The following JUP variants were observed in gnomAD, a reference collection of about 807,000 sequenced individuals.
JUP encodes junction plakoglobin.
A neutral mutation model predicts 71.1 loss-of-function variants in JUP; 28 were observed. That is an observed-to-expected ratio of 0.39 (90% CI 0.29 to 0.54). The LOEUF (loss-of-function observed/expected upper bound fraction) is 0.54, where lower values mean the gene tolerates loss of function less well. JUP is among the 20% of genes least tolerant of loss of function. The probability of loss-of-function intolerance (pLI) is 0.62; values close to 1 mark genes in which losing one functional copy is unlikely to be tolerated. For synonymous variants in JUP, 401 were observed against 438.9 expected, an observed-to-expected ratio of 0.91 and a Z score of 1.08; for missense variants, 869 against 1,030.1, an observed-to-expected ratio of 0.84 and a Z score of 2.14.
rs9893041 is a variant in JUP at position 41,757,225 on chromosome 17, A to G, written c.2046+190T>C. 0.034 allele frequency among the ~76,000 whole-genome samples: 5,173 copies of G among 152,318 alleles called. 274 individuals carry two copies. The highest frequency in any genetic ancestry group is 0.11 in the African/African-American group (4,739 of 41,552). ...AACACTGTATACTCATTTGGGCAAA[A>G]TAAAAATTGGCATTTTGTGGATATA... On this transcript the variant is annotated intron_variant, in intron 12 of 13. Coordinates refer to ENST00000393931, the MANE Select transcript of JUP (RefSeq NM_002230.4).
chr17:41,771,986 G>A (rs781849427), intron 1 of JUP, 124 bp from the exon 2 acceptor site: 17 of 901,152 alleles, frequency 1.9e-5, no homozygotes, highest in Non-Finnish European at 3.0e-5. Flanking sequence ...TTTCAATGAG[G>A]ATGCAGGCTG....
Position 41,762,991 on chromosome 17 carries a change from G to A in JUP, c.1489C>T (p.Leu497=). The change falls in exon 8 of 14, where the codon CTG becomes TTG. Residue 497 remains leucine (L), a synonymous_variant. Coordinates refer to ENST00000393931, the MANE Select transcript of JUP (RefSeq NM_002230.4). ...TCGCCTAACAGCAGTACCTTGACCA[G>A]TGGCCACTGGTTGGGCTGGTTGAGC... ...KLLNQPNQWP[L]VKATIGLIRN... 1 of 1,613,934 alleles carries A rather than the reference G, an allele frequency of 6.2e-7. No individual in the cohort carries two copies. The highest frequency in any genetic ancestry group is 8.5e-7 in the Non-Finnish European group (1 of 1,180,002).
chr17:41,765,852 C>T (rs1189728046), intron 5 of JUP, among the ~76,000 whole-genome samples: 3 of 152,118 alleles, frequency 2.0e-5, no homozygotes, highest in African/African-American at 7.2e-5. Flanking sequence ...GAATTTTTTC[C>T]GCTCTTTGAC....
chr17:41,783,489 A>T (rs1023907391), intron 1 of JUP, among the ~76,000 whole-genome samples: 1 of 151,558 alleles, frequency 6.6e-6, no homozygotes, highest in Non-Finnish European at 1.5e-5. Context: ...GGGTTTCTCC[A>T]TGTTGCCCAG....
intron 7 of JUP, 105 bp from the exon 8 acceptor site, chr17:41,763,426 C>T: frequency 1.3e-6 from 1 of 755,908 alleles, no homozygotes; most frequent in Non-Finnish European, 2.2e-6. Context: ...GTCAGCCCTG[C>T]CTGTGTGTGC....
chr17:41,776,108 G>A (rs377673149), intron 1 of JUP: 11 of 380,984 alleles, frequency 2.9e-5, no homozygotes, highest in Non-Finnish European at 3.6e-5. Flanking sequence ...CCCAGAGGCC[G>A]TGCTGGAAGC....
Position 41,765,228 on chromosome 17 carries a change from G to A in JUP, c.910-161C>T, listed in dbSNP as rs9911655. 0.035 allele frequency among the ~76,000 whole-genome samples: 5,374 copies of A among 152,138 alleles called. 297 individuals carry two copies. The highest frequency in any genetic ancestry group is 0.12 in the African/African-American group (4,927 of 41,496). On this transcript the variant is annotated intron_variant, in intron 5 of 13. Transcript: ENST00000393931. Reference sequence around the variant, plus strand: ...TTTTTTTCTTTTTATAAAGATGGGGGTCTCACTATGCTGCCCAGGCTGGTC... The same window carrying A: ...TTTTTTTCTTTTTATAAAGATGGGGATCTCACTATGCTGCCCAGGCTGGTC...
At chr17:41,779,179 T>C (rs1325585978) in intron 1 of JUP, among the ~76,000 whole-genome samples, 2 of 148,606 alleles carry the variant, frequency 1.3e-5, no homozygotes, top group East Asian at 4.0e-4. Context: ...GAGGTTGCAG[T>C]GAGCTGAGAT....
chr17:41,784,678 T>A (rs1048205753), intron 1 of JUP, among the ~76,000 whole-genome samples: 1 of 152,066 alleles, frequency 6.6e-6, no homozygotes, highest in Non-Finnish European at 1.5e-5. Flanking sequence ...GACTTCCCCC[T>A]AGCACAGGGC....
rs776307936 is a variant in JUP, at chr17:41,755,913, G to A, written c.2087-18C>T. On this transcript the variant is annotated intron_variant, in intron 13 of 13. Transcript: ENST00000393931. ...ATCCATGTCTGGGGACAAAAAGTGGGGCTCGGTCCTAGGGTCTGCAAGCTA... is the reference window on the plus strand; with the variant it reads ...ATCCATGTCTGGGGACAAAAAGTGGAGCTCGGTCCTAGGGTCTGCAAGCTA... 31 of 1,600,552 alleles carry A rather than the reference G, an allele frequency of 1.9e-5. No homozygotes were observed. Among genetic ancestry groups the A allele is most frequent in the Non-Finnish European group, 2.1e-5 (25 of 1,171,846 alleles).
rs1394334183 is a variant in JUP, at chr17:41,758,890, T to C, written c.1498-20A>G. On this transcript the variant is annotated intron_variant, in intron 8 of 13. Transcript: ENST00000393931. ...GGTTGCCTGGCAAAAAAAGGGGCAGTGATCAGGGGCACTTCTTGGACATCT... is the reference window on the plus strand; with the variant it reads ...GGTTGCCTGGCAAAAAAAGGGGCAGCGATCAGGGGCACTTCTTGGACATCT... The C allele has an allele frequency of 1.9e-6, 3 of 1,601,900 alleles. No individual in the cohort carries two copies. Among genetic ancestry groups the C allele is most frequent in the African/African-American group, 2.7e-5 (2 of 74,766 alleles).
intron 1 of JUP, chr17:41,772,146 C>G (rs1263998867): frequency 1.7e-5 from 9 of 518,082 alleles, no homozygotes; most frequent in Non-Finnish European, 2.8e-5. Context: ...CCCCAGGGGG[C>G]AGGACAGTCA....
chr17:41,780,731 A>T (rs1443688416), intron 1 of JUP, among the ~76,000 whole-genome samples: 1 of 150,482 alleles, frequency 6.6e-6, no homozygotes, highest in Non-Finnish European at 1.5e-5. Flanking sequence ...AAGAAAAGAG[A>T]AGAGGAGAAG....
Position 41,769,207 on chromosome 17 carries a change from C to A in JUP, c.469G>T (p.Val157Leu), listed in dbSNP as rs1555605469. 6.2e-7 allele frequency: 1 copy of A among 1,600,168 alleles called. No homozygotes were observed. The highest frequency in any genetic ancestry group is 8.5e-7 in the Non-Finnish European group (1 of 1,179,850). The change falls in exon 4 of 14, where the codon GTG becomes TTG. Residue 157 changes from valine (V) to leucine (L), a missense_variant and splice_region_variant. Physicochemically the swap from Val to Leu is conservative, Grantham distance 32. Coordinates refer to ENST00000393931, the MANE Select transcript of JUP (RefSeq NM_002230.4). ...LTKLLNDEDP[V>L]VVTKAAMIVN... ...ATCATGGCCGCCTTGGTCACCACCA[C>A]CTGGAGGGCAAAGGCAGGGGCGGGG...
intron 2 of JUP, chr17:41,771,395 A>C: frequency 1.7e-6 from 1 of 574,600 alleles, no homozygotes; most frequent in Non-Finnish European, 3.1e-6. Context: ...GACTGGAGGC[A>C]CCCTAAGGGC....
chr17:41,782,089 CT>C (rs1267041890), intron 1 of JUP, among the ~76,000 whole-genome samples: 2 of 152,206 alleles, frequency 1.3e-5, no homozygotes, highest in African/African-American at 4.8e-5. Flanking sequence ...AGTACTCCGG[CT>C]GCACCATCAC....
chr17:41,769,875 A>T (rs1567820591), intron 2 of JUP, among the ~76,000 whole-genome samples, 198 bp from the exon 3 acceptor site: 1 of 151,310 alleles, frequency 6.6e-6, no homozygotes, highest in Non-Finnish European at 1.5e-5. Context: ...ATCTCTGTAA[A>T]ATAGGCCCCA....
intron 1 of JUP, among the ~76,000 whole-genome samples, chr17:41,784,727 G>A (rs1312639030): frequency 6.6e-6 from 1 of 152,052 alleles, no homozygotes; most frequent in African/African-American, 2.4e-5. Flanking sequence ...GGCTGAGTCT[G>A]GGCCCCCAGC....
intron 2 of JUP, among the ~76,000 whole-genome samples, chr17:41,770,659 G>C (rs1413745891): frequency 1.3e-5 from 2 of 152,214 alleles, no homozygotes; most frequent in African/African-American, 2.4e-5. Context: ...GGCATGTTCA[G>C]GGCCCTGGAG....
Sources: allele counts gnomAD v4.1 joint callset (sites outside exome capture counted in the v4.1 genomes callset), GRCh38; gene constraint gnomAD v4.1.1; transcripts MANE v1.5; gene names NCBI Gene and HGNC (gene_info 2026-07-23, HGNC 2026-07-21).